The following WFDC3 variants were observed in gnomAD, a reference collection of about 807,000 sequenced individuals.
WFDC3 encodes WAP four-disulfide core domain 3, also known as WAP four-disulfide core domain protein 3.
In WFDC3, 15 loss-of-function variants were observed where a neutral mutation model predicts 25.8. The observed-to-expected ratio is 0.58, with a 90% confidence interval of 0.39 to 0.89. WFDC3 has a LOEUF of 0.89. Among genes scored for constraint, WFDC3 ranks in the 40% least tolerant of loss-of-function variants. The pLI is 0.00. For missense variants in WFDC3, 264 were observed against 289.8 expected (o/e 0.91, Z 0.65); for synonymous variants, 103 against 107.1 (o/e 0.96, Z 0.24).
At chr20:45,780,374 GCCCTTTGTACCTCTTTATACTGA>G (rs1237665813) in intron 4 of WFDC3, among the ~76,000 whole-genome samples, 1 of 152,072 alleles carries the variant, frequency 6.6e-6, no homozygotes, top group African/African-American at 2.4e-5. Context: ...ACCATGCCTG[GCCCTTTGTACCTCTTTATACTGA>G]CCTGAAATCT....
At chr20:45,784,265 G>C (rs764849400) in intron 4 of WFDC3, among the ~76,000 whole-genome samples, 2 of 152,228 alleles carry the variant, frequency 1.3e-5, no homozygotes, top group Non-Finnish European at 2.9e-5. Flanking sequence ...TGGGCAGGCT[G>C]CCCAAGATAG....
intron 1 of WFDC3, among the ~76,000 whole-genome samples, 160 bp downstream of exon 1, chr20:45,791,672 C>T (rs542822418): frequency 1.3e-5 from 2 of 152,278 alleles, no homozygotes; most frequent in Admixed American, 1.3e-4. Context: ...TGCTCCCCAA[C>T]CCCAGCCTAC....
intron 3 of WFDC3, chr20:45,788,724 A>G (rs6032536): frequency 0.69 from 378,896 of 551,588 alleles, 131,530 homozygotes; most frequent in Admixed American, 0.77. Flanking sequence ...ATAGATAATC[A>G]ATGGTGCGCT....
chr20:45,789,205 T>TAAAAAA, intron 2 of WFDC3, 146 bp from the exon 3 acceptor site: 1 of 783,982 alleles, frequency 1.3e-6, no homozygotes, highest in Non-Finnish European at 1.8e-6. Flanking sequence ...CCCTGTCTCT[T>TAAAAAA]AAAAAAAAAA....
At chr20:45,783,463 G>C (rs1304445764) in intron 4 of WFDC3, among the ~76,000 whole-genome samples, 2 of 151,952 alleles carry the variant, frequency 1.3e-5, no homozygotes, top group African/African-American at 2.4e-5. Context: ...GGGTGATAGA[G>C]TGAGACCTTG....
chr20:45,778,863 A>AG (rs971921784), intron 4 of WFDC3: 1 of 151,408 alleles, frequency 6.6e-6, no homozygotes, highest in African/African-American at 2.4e-5. Flanking sequence ...AAAAAAAAAA[A>AG]AAGAATTGCA....
At chr20:45,777,034 A>G in intron 5 of WFDC3, 41 bp downstream of exon 5, 2 of 1,611,022 alleles carry the variant, frequency 1.2e-6, no homozygotes, top group Non-Finnish European at 1.7e-6. Flanking sequence ...CACTCTTCTC[A>G]GGAAACACTC....
chr20:45,789,117 G>A lies in WFDC3; in HGVS notation c.83-58C>T, dbSNP rs1011387067. ...TAGCCAGGCCTCAGAAATGGGGAAT[G>A]GACCTTCAGCCCCTCCAGGCATCTC... On this transcript the variant is annotated intron_variant, in intron 2 of 6. Transcript: ENST00000243938. 4 of 1,600,422 alleles carry A rather than the reference G, an allele frequency of 2.5e-6. No homozygotes were observed. The African/African-American group carries it at 5.4e-5, about 22-fold the overall frequency.
chr20:45,791,015 C>T, intron 1 of WFDC3: 2 of 461,106 alleles, frequency 4.3e-6, no homozygotes, highest in Admixed American at 2.4e-5. Context: ...TAATGGTGTC[C>T]ACTGGCACTG....
chr20:45,788,101 C>T (rs1251234344), intron 3 of WFDC3, 119 bp from the exon 4 acceptor site: 13 of 1,056,888 alleles, frequency 1.2e-5, no homozygotes, highest in East Asian at 3.0e-5. Context: ...GTAGGGAGTT[C>T]GAGAACAGCC....
chr20:45,784,571 GTC>G lies in WFDC3; in HGVS notation c.358+3263_358+3264del, dbSNP rs556482332. 3.3e-3 allele frequency among the ~76,000 whole-genome samples: 506 copies of G among 152,230 alleles called. 5 individuals are homozygous for G. The highest frequency in any genetic ancestry group is 0.012 in the African/African-American group (488 of 41,524). ...AGCCTGACCAACATGCTGAAAAGCC[GTC>G]TCTACTAAATACAAAAAATTAGCTG... is the stretch of plus-strand genomic sequence containing the variant. On this transcript the variant is annotated intron_variant, in intron 4 of 6. Coordinates refer to ENST00000243938, the MANE Select transcript of WFDC3 (RefSeq NM_080614.2).
In WFDC3 at chr20:45,791,854, C is replaced by A; in HGVS notation, c.-30G>T. ...TACAAGGCCTCTAAGTGTAACTGTC[C>A]TGGGCGAGGCGCGGCGGTTCGGTTC... is the stretch of plus-strand genomic sequence containing the variant. On this transcript the variant is annotated 5_prime_UTR_variant, in exon 1 of 7. The change creates a new upstream start codon in the 5' untranslated region. Transcript: ENST00000243938. 2.1e-6 allele frequency: 1 copy of A among 483,910 alleles called. No homozygotes were observed. The allele number at this position is 483,910 out of a possible 1,614,324, so 30.0% of individuals were successfully genotyped here.
At chr20:45,783,950 T>C (rs1490990617) in intron 4 of WFDC3, among the ~76,000 whole-genome samples, 2 of 152,248 alleles carry the variant, frequency 1.3e-5, no homozygotes, top group African/African-American at 4.8e-5. Flanking sequence ...GGAACCCCGC[T>C]CAGCCCAGCA....
intron 4 of WFDC3, among the ~76,000 whole-genome samples, chr20:45,783,276 G>A (rs1056747652): frequency 7.2e-5 from 11 of 152,124 alleles, no homozygotes; most frequent in African/African-American, 2.7e-4. Context: ...GACCATATGA[G>A]CTCTCTTGAG....
Position 45,789,769 on chromosome 20 carries a change from G to A in WFDC3, c.82+125C>T. ...CCTGAGAATCTATTCATCCAGTCCT[G>A]TCCTATAGAGATGATCATCTCCACT... On this transcript the variant is annotated intron_variant, in intron 2 of 6. Coordinates refer to ENST00000243938, the MANE Select transcript of WFDC3 (RefSeq NM_080614.2). 3 of 792,616 alleles carry A rather than the reference G, an allele frequency of 3.8e-6. No individual in the cohort carries two copies. The East Asian group carries it at 7.6e-5, about 20-fold the overall frequency. 49.1% of individuals were successfully genotyped at this position (792,616 alleles called of 1,614,324 possible).
intron 5 of WFDC3, among the ~76,000 whole-genome samples, chr20:45,776,633 AAAAT>A (rs1183604494): frequency 2.3e-4 from 16 of 69,322 alleles, no homozygotes; most frequent in East Asian, 1.2e-3. Flanking sequence ...AAAAAAAAAA[AAAAT>A]ATATATATAT....
intron 5 of WFDC3, 75 bp from the exon 6 acceptor site, chr20:45,775,677 C>T: frequency 6.4e-7 from 1 of 1,570,628 alleles, no homozygotes; most frequent in South Asian, 1.2e-5. Flanking sequence ...CGTGAACTTA[C>T]ACACAGAGGC....
chr20:45,776,288 G>C (rs1171364990), intron 5 of WFDC3, among the ~76,000 whole-genome samples: 4 of 131,568 alleles, frequency 3.0e-5, no homozygotes, highest in African/African-American at 1.2e-4. Flanking sequence ...CTGTGTGTGT[G>C]TGTGTGTGTG....
intron 4 of WFDC3, among the ~76,000 whole-genome samples, chr20:45,783,039 T>C (rs1464400244): frequency 4.2e-5 from 6 of 144,028 alleles, no homozygotes; most frequent in Non-Finnish European, 9.1e-5. Context: ...TTATTATGTA[T>C]TTGTTTTCTT....
Sources: gnomAD v4.1 joint callset for allele counts (sites outside exome capture counted in the v4.1 genomes callset) on GRCh38, gnomAD v4.1.1 for gene constraint, MANE v1.5 for transcripts, NCBI Gene and HGNC (gene_info 2026-07-23, HGNC 2026-07-21) for gene names.